Variants in SYNE2 observed in about 807,000 individuals in gnomAD.
SYNE2 encodes spectrin repeat containing nuclear envelope protein 2.
Under a neutral mutation model 856.3 loss-of-function variants are expected in SYNE2, and 431 were observed. That is an observed-to-expected ratio of 0.50 (90% CI 0.47 to 0.55). SYNE2 has a LOEUF of 0.55. Ranked by LOEUF, SYNE2 falls within the 20% of genes least tolerant of loss-of-function variation. The pLI is 0.00. For missense variants in SYNE2, 8,129 were observed against 8,023.2 expected (o/e 1.01, Z -0.50); for synonymous variants, 2,923 against 2,872.3 (o/e 1.02, Z -0.56).
At chr14:63,832,206 A>G (rs1022515430) in intron 1 of SYNE2, among the ~76,000 whole-genome samples, 9 of 151,986 alleles carry the variant, frequency 5.9e-5, no homozygotes. Flanking sequence ...GAGAAGCAGA[A>G]ATAAAAGGAG....
rs546176545 is a variant in SYNE2 at position 64,128,033 on chromosome 14, G to C, written c.13918-419G>C. Among the ~76,000 whole-genome samples the C allele has an allele frequency of 2.6e-5, 4 of 152,272 alleles. No homozygotes were observed. In the South Asian group the frequency reaches 8.3e-4, roughly 32 times the overall value. ...GATCATCATTGAAACAAATCAAAAAGAAAAATTATAGGCAATTAGGGATAT... is the reference window on the plus strand; with the variant it reads ...GATCATCATTGAAACAAATCAAAAACAAAAATTATAGGCAATTAGGGATAT... On this transcript the variant is annotated intron_variant, in intron 73 of 115. Coordinates refer to ENST00000555002, the MANE Select transcript of SYNE2 (RefSeq NM_182914.3).
chr14:63,871,565 A>G (rs961503433), intron 1 of SYNE2, among the ~76,000 whole-genome samples: 1 of 151,614 alleles, frequency 6.6e-6, no homozygotes, highest in African/African-American at 2.4e-5. Flanking sequence ...ACATTCTAGT[A>G]TGAAAACCAT....
chr14:63,826,757 A>G (rs1007116774), intron 1 of SYNE2, among the ~76,000 whole-genome samples: 1 of 152,232 alleles, frequency 6.6e-6, no homozygotes, highest in Non-Finnish European at 1.5e-5. Flanking sequence ...TCTCTTAGAA[A>G]AAAATCTAGG....
intron 89 of SYNE2, among the ~76,000 whole-genome samples, chr14:64,164,029 C>A (rs1293784844): frequency 1.3e-5 from 2 of 152,186 alleles, no homozygotes; most frequent in Non-Finnish European, 2.9e-5. Context: ...AAGCGATTCT[C>A]CTGCCTCAGC....
intron 1 of SYNE2, among the ~76,000 whole-genome samples, chr14:63,846,569 T>C (rs749561983): frequency 1.0e-5 from 1 of 100,312 alleles, no homozygotes; most frequent in Non-Finnish European, 2.4e-5. Flanking sequence ...ACTTTATTTA[T>C]TCAGGTTTTT....
chr14:64,023,016 C>T, intron 38 of SYNE2, 153 bp downstream of exon 38: 1 of 621,580 alleles, frequency 1.6e-6, no homozygotes, highest in South Asian at 2.0e-5. Flanking sequence ...ATCACTTGAG[C>T]TCAAGAGTTC....
At chr14:63,966,182 C>T (rs1383458427) in intron 10 of SYNE2, among the ~76,000 whole-genome samples, 1 of 151,976 alleles carries the variant, frequency 6.6e-6, no homozygotes, top group Admixed American at 6.6e-5. Context: ...CAGAGCCATA[C>T]CTGTCAGTAG....
chr14:63,842,346 T>G (rs1890095781), intron 1 of SYNE2, among the ~76,000 whole-genome samples: 1 of 151,046 alleles, frequency 6.6e-6, no homozygotes, highest in African/African-American at 2.4e-5. Flanking sequence ...GAGACAGGGT[T>G]TTGCCATGTT....
rs1051250183 is a variant in SYNE2 at position 64,024,528 on chromosome 14, C to T, written c.5840+69C>T. ...TATCTTTATTTGTACTCTGCCTCAGCGCAGAGAGCACTGGGATACGCAGTA... is the reference window on the plus strand; with the variant it reads ...TATCTTTATTTGTACTCTGCCTCAGTGCAGAGAGCACTGGGATACGCAGTA... On this transcript the variant is annotated intron_variant, in intron 39 of 115. Coordinates refer to ENST00000555002, the MANE Select transcript of SYNE2 (RefSeq NM_182914.3). 1.7e-5 allele frequency: 25 copies of T among 1,436,920 alleles called. No individual in the cohort carries two copies. In the Admixed American group the frequency reaches 1.8e-4, roughly 10 times the overall value. 89.0% of individuals were successfully genotyped at this position (1,436,920 alleles called of 1,614,324 possible). A position where few individuals can be genotyped will look rare whatever the true frequency, so the allele number is the denominator to read the frequency against.
intron 1 of SYNE2, among the ~76,000 whole-genome samples, chr14:63,908,314 A>AC (rs2095433066): frequency 6.6e-6 from 1 of 152,078 alleles, no homozygotes; most frequent in African/African-American, 2.4e-5. Flanking sequence ...CCCTATGTAC[A>AC]CCCCCAATCT....
intron 1 of SYNE2, among the ~76,000 whole-genome samples, chr14:63,838,133 G>A (rs1004359438): frequency 6.6e-6 from 1 of 152,100 alleles, no homozygotes; most frequent in African/African-American, 2.4e-5. Context: ...GCTTTGGGAG[G>A]CCAAGGCGGG....
intron 11 of SYNE2, among the ~76,000 whole-genome samples, chr14:63,970,928 C>T (rs1195159063): frequency 6.6e-6 from 1 of 151,994 alleles, no homozygotes; most frequent in East Asian, 1.9e-4. Flanking sequence ...GCTGGTATTA[C>T]AGACATGAGC....
In SYNE2 at chr14:64,102,043, G is replaced by A. The variant is rs776652301; in HGVS notation, c.12492+1G>A. The stretch of plus-strand genomic sequence containing the variant: ...CTCATCCTCTGGAACAATTGTTCAG[G>A]TAATGCTGGGCGTATCAGCCACGCT... On this transcript the variant is annotated splice_donor_variant, in intron 64 of 115. Transcript: ENST00000555002. LOFTEE classifies it high-confidence loss of function. 1 of 1,607,658 alleles carries A rather than the reference G, an allele frequency of 6.2e-7. No individual in the cohort carries two copies. Among genetic ancestry groups the A allele is most frequent in the Admixed American group, 1.7e-5 (1 of 60,014 alleles).
Position 64,226,280 on chromosome 14 carries a change from C to G in SYNE2, c.*754C>G, listed in dbSNP as rs1048350. On this transcript the variant is annotated 3_prime_UTR_variant, in exon 116 of 116. Transcript: ENST00000555002. ...AGGGATGTTTTTGTAAGTTAATTTTCTAAGACTTTTTCACATCCAAAGTGA... is the reference window on the plus strand; with the variant it reads ...AGGGATGTTTTTGTAAGTTAATTTTGTAAGACTTTTTCACATCCAAAGTGA... 7.7e-6 allele frequency: 1 copy of G among 129,958 alleles called. No homozygotes were observed. Among genetic ancestry groups the G allele is most frequent in the African/African-American group, 2.9e-5 (1 of 34,220 alleles). The allele number at this position is 129,958 out of a possible 1,614,324, so 8.1% of individuals were successfully genotyped here. A position where few individuals can be genotyped will look rare whatever the true frequency, so the allele number is the denominator to read the frequency against.
chr14:64,139,844 G>T, intron 79 of SYNE2, 97 bp from the exon 80 acceptor site: 1 of 1,193,090 alleles, frequency 8.4e-7, no homozygotes. Flanking sequence ...GATCAACATA[G>T]GAGGACATAC....
intron 57 of SYNE2, chr14:64,084,995 C>T (rs1376214518): frequency 2.8e-6 from 2 of 702,318 alleles, no homozygotes; most frequent in Non-Finnish European, 5.2e-6. Context: ...GAGTCTGCCT[C>T]ACACCATGGC....
At chr14:63,948,708 ATATATATATGTGTG>A (rs1173829058) in intron 6 of SYNE2, among the ~76,000 whole-genome samples, 3 of 79,912 alleles carry the variant, frequency 3.8e-5, no homozygotes, top group African/African-American at 8.6e-5. Context: ...ATATATATGT[ATATATATATGTGTG>A]TATATATATG....
chr14:64,159,501 A>C, intron 87 of SYNE2, 59 bp downstream of exon 87: 1 of 1,588,588 alleles, frequency 6.3e-7, no homozygotes. Flanking sequence ...CTTGTGAAGA[A>C]TGAGGGGGCA....
At chr14:64,107,638 T>C (rs376129781) in intron 65 of SYNE2, 31 bp downstream of exon 65, 16 of 1,548,116 alleles carry the variant, frequency 1.0e-5, no homozygotes, top group Non-Finnish European at 1.2e-5. Context: ...AGTAAACTGC[T>C]CAGATAGCTG....
Sources: gnomAD v4.1 joint callset for allele counts (sites outside exome capture counted in the v4.1 genomes callset) on GRCh38, gnomAD v4.1.1 for gene constraint, MANE v1.5 for transcripts, NCBI Gene and HGNC (gene_info 2026-07-23, HGNC 2026-07-21) for gene names.